Variants in EBF1 observed in about 807,000 individuals in gnomAD.
The protein encoded by EBF1 is EBF transcription factor 1, also known as transcription factor COE1.
In EBF1, 10 loss-of-function variants were observed where a neutral mutation model predicts 68.4. That is an observed-to-expected ratio of 0.15 (90% CI 0.09 to 0.25). The LOEUF (loss-of-function observed/expected upper bound fraction) is 0.25, where lower values mean the gene tolerates loss of function less well. Ranked by LOEUF, EBF1 falls within the 10% of genes least tolerant of loss-of-function variation. EBF1 has a pLI of 1.00. For missense variants in EBF1, 509 were observed against 794.4 expected (o/e 0.64, Z 4.32); for synonymous variants, 298 against 299.8 (o/e 0.99, Z 0.06).
At chr5:159,086,820 G>A (rs1260280700) in intron 4 of EBF1, among the ~76,000 whole-genome samples, 1 of 152,026 alleles carries the variant, frequency 6.6e-6, no homozygotes, top group Non-Finnish European at 1.5e-5. Flanking sequence ...ATCTTACTAT[G>A]TGTCAAATTT....
intron 6 of EBF1, among the ~76,000 whole-genome samples, chr5:158,848,731 G>C (rs1792023210): frequency 6.6e-6 from 1 of 152,192 alleles, no homozygotes; most frequent in African/African-American, 2.4e-5. Flanking sequence ...TCCTTGTTCA[G>C]TACATATGTG....
chr5:159,076,392 C>G (rs990717607), intron 5 of EBF1, among the ~76,000 whole-genome samples: 14 of 152,116 alleles, frequency 9.2e-5, no homozygotes, highest in Non-Finnish European at 1.5e-4. Context: ...ACCACCTCCC[C>G]CAAGCATGCC....
chr5:158,737,678 C>T (rs1349083970), intron 10 of EBF1, among the ~76,000 whole-genome samples: 10 of 152,154 alleles, frequency 6.6e-5, no homozygotes, highest in Admixed American at 6.5e-4. Context: ...GCCTCTCTAC[C>T]ACAGGCACAA....
intron 11 of EBF1, among the ~76,000 whole-genome samples, chr5:158,729,865 C>T (rs906117122): frequency 3.3e-5 from 5 of 152,192 alleles, no homozygotes; most frequent in Non-Finnish European, 5.9e-5. Context: ...GAGCAGTTAG[C>T]GCTCCTCCTC....
intron 6 of EBF1, among the ~76,000 whole-genome samples, chr5:159,008,578 A>T (rs564164556): frequency 6.7e-6 from 1 of 149,724 alleles, no homozygotes; most frequent in East Asian, 2.0e-4. Context: ...CAGGCTGGAC[A>T]GCAGTGGCAC....
At chr5:158,958,721 G>A (rs1028626806) in intron 6 of EBF1, among the ~76,000 whole-genome samples, 19 of 152,038 alleles carry the variant, frequency 1.2e-4, no homozygotes, top group Non-Finnish European at 7.4e-5. Flanking sequence ...GAGGGGAGAA[G>A]GCCTGGAATT....
chr5:158,709,601 G>T (rs1429285629), intron 14 of EBF1, among the ~76,000 whole-genome samples: 2 of 152,198 alleles, frequency 1.3e-5, no homozygotes, highest in Non-Finnish European at 2.9e-5. Context: ...TGCCATCAGG[G>T]GAAAATGACC....
rs377668131 is a variant in EBF1, at chr5:158,946,758, C to T, written c.555-106648G>A. Among the ~76,000 whole-genome samples, 58 of 152,308 alleles carry T rather than the reference C, an allele frequency of 3.8e-4. No individual in the cohort carries two copies. The East Asian group carries it at 8.1e-3, about 21-fold the overall frequency. On this transcript the variant is annotated intron_variant, in intron 6 of 15. Transcript: ENST00000313708. ...TCTCTTCAGAGCCAGCAGGCAGGAGCGTTTAAGTCTGCTGAAGCTGCACCC... is the reference window on the plus strand; with the variant it reads ...TCTCTTCAGAGCCAGCAGGCAGGAGTGTTTAAGTCTGCTGAAGCTGCACCC...
intron 7 of EBF1, among the ~76,000 whole-genome samples, chr5:158,838,525 A>G (rs1200974405): frequency 1.3e-5 from 2 of 152,090 alleles, no homozygotes; most frequent in Admixed American, 1.3e-4. Flanking sequence ...TGGTGAAGCC[A>G]AGATGATTTT....
rs73301939 is a variant in EBF1 at position 158,994,000 on chromosome 5, A to T, written c.554+79396T>A. Among the ~76,000 whole-genome samples the T allele has an allele frequency of 2.7e-3, 405 of 152,254 alleles. 1 individual carries two copies. Among genetic ancestry groups the T allele is most frequent in the African/African-American group, 9.3e-3 (388 of 41,538 alleles). On this transcript the variant is annotated intron_variant, in intron 6 of 15. Coordinates refer to ENST00000313708, the MANE Select transcript of EBF1 (RefSeq NM_024007.5). ...TCACTTTAAGCATTGTGGATAAATG[A>T]CCCCAGTTATCATCACAGCAGGTGG...
chr5:158,755,091 G>A (rs1044891341), intron 10 of EBF1, among the ~76,000 whole-genome samples: 1 of 152,090 alleles, frequency 6.6e-6, no homozygotes, highest in Non-Finnish European at 1.5e-5. Flanking sequence ...TATTATGGCT[G>A]AGAAGTAAAA....
chr5:158,886,830 G>A (rs567767638), intron 6 of EBF1, among the ~76,000 whole-genome samples: 11 of 152,220 alleles, frequency 7.2e-5, no homozygotes, highest in Non-Finnish European at 1.5e-4. Flanking sequence ...TGGCCAACAC[G>A]GTCTCTACTA....
chr5:159,073,774 C>T (rs1778255898), intron 5 of EBF1: 1 of 340,352 alleles, frequency 2.9e-6, no homozygotes, highest in Non-Finnish European at 5.5e-6. Context: ...GTGAAGTGCA[C>T]TGTTATTGCA....
At chr5:159,081,314 T>C (rs904995823) in intron 5 of EBF1, among the ~76,000 whole-genome samples, 7 of 152,238 alleles carry the variant, frequency 4.6e-5, no homozygotes, top group Non-Finnish European at 7.3e-5. Flanking sequence ...CAGTTTGTTT[T>C]CATGGTTGTT....
intron 6 of EBF1, among the ~76,000 whole-genome samples, chr5:158,881,014 A>G (rs1210350968): frequency 1.3e-5 from 2 of 152,134 alleles, no homozygotes; most frequent in African/African-American, 4.8e-5. Context: ...GAAGAAGAAG[A>G]GGGGAAAAAA....
rs78200711 is a variant in EBF1 at position 158,847,532 on chromosome 5, T to C, written c.555-7422A>G. 5.9e-3 allele frequency among the ~76,000 whole-genome samples: 892 copies of C among 152,324 alleles called. 14 individuals carry two copies. The highest frequency in any genetic ancestry group is 0.021 in the African/African-American group (856 of 41,578). On this transcript the variant is annotated intron_variant, in intron 6 of 15. Transcript: ENST00000313708. The stretch of plus-strand genomic sequence containing the variant: ...ACTTACTCCCCTAGCAATGTCTGAC[T>C]GGAAATTTAAGAGAGAAAGAATTCT...
intron 6 of EBF1, 146 bp from the exon 7 acceptor site, chr5:158,840,256 T>C: frequency 1.6e-6 from 1 of 630,292 alleles, no homozygotes; most frequent in Non-Finnish European, 2.8e-6. Context: ...AATATTTCAT[T>C]TGTGGCTTTA....
intron 6 of EBF1, among the ~76,000 whole-genome samples, chr5:158,851,502 G>C (rs1480466976): frequency 1.4e-5 from 1 of 73,642 alleles, no homozygotes; most frequent in African/African-American, 5.6e-5. Flanking sequence ...AAGAAGAGGG[G>C]GGAGAAGGGA....
chr5:158,825,948 T>C (rs1353494227), intron 7 of EBF1, among the ~76,000 whole-genome samples: 3 of 148,958 alleles, frequency 2.0e-5, no homozygotes, highest in Non-Finnish European at 4.4e-5. Flanking sequence ...CACTGTGAGA[T>C]GCAAAAGGGG....
Sources: gnomAD v4.1 joint callset for allele counts (sites outside exome capture counted in the v4.1 genomes callset) on GRCh38, gnomAD v4.1.1 for gene constraint, MANE v1.5 for transcripts, NCBI Gene and HGNC (gene_info 2026-07-23, HGNC 2026-07-21) for gene names.